The following PRKCQ variants were observed in gnomAD, a reference collection of about 807,000 sequenced individuals.
PRKCQ encodes the protein protein kinase C theta.
PRKCQ carries 41 observed loss-of-function variants against 91.2 expected under a neutral mutation model. The ratio of observed to expected loss-of-function variants is 0.45; its 90% CI spans 0.35 to 0.58. The LOEUF (loss-of-function observed/expected upper bound fraction) is 0.58. Ranked by LOEUF, PRKCQ falls within the 20% of genes least tolerant of loss-of-function variation. PRKCQ has a pLI of 0.00. For missense variants in PRKCQ, 673 were observed against 896.5 expected, an observed-to-expected ratio of 0.75 and a Z score of 3.18; for synonymous variants, 307 against 316.9, an observed-to-expected ratio of 0.97 and a Z score of 0.33.
At chr10:6,558,526 C>G (rs552907611) in intron 1 of PRKCQ, among the ~76,000 whole-genome samples, 1 of 152,128 alleles carries the variant, frequency 6.6e-6, no homozygotes, top group Non-Finnish European at 1.5e-5. Flanking sequence ...ATAAAAGATA[C>G]AGGATAAATA....
At chr10:6,543,623 G>GA (rs1422395842) in intron 1 of PRKCQ, among the ~76,000 whole-genome samples, 1 of 152,184 alleles carries the variant, frequency 6.6e-6, no homozygotes, top group Non-Finnish European at 1.5e-5. Flanking sequence ...TCCAGATGCT[G>GA]AAACACTGTC....
intron 4 of PRKCQ, among the ~76,000 whole-genome samples, chr10:6,506,159 G>C (rs1289987553): frequency 6.6e-6 from 1 of 152,084 alleles, no homozygotes; most frequent in Non-Finnish European, 1.5e-5. Flanking sequence ...CCTTCCAAGA[G>C]GAAAAATAAA....
the PRKCQ span, among the ~76,000 whole-genome samples, chr10:6,401,269 A>C: frequency 1.3e-5 from 2 of 152,206 alleles, no homozygotes; most frequent in African/African-American, 4.8e-5. Context: ...CTATGTAAGC[A>C]CAGCCTTAGC....
chr10:6,500,969 T>C (rs61242407), intron 4 of PRKCQ, among the ~76,000 whole-genome samples: 2,630 of 152,130 alleles, frequency 0.017, 82 homozygotes, highest in African/African-American at 0.06. Flanking sequence ...CCATATTTTT[T>C]AGGAGGTAGG....
intron 15 of PRKCQ, among the ~76,000 whole-genome samples, chr10:6,443,840 T>C (rs1429275894): frequency 3.3e-5 from 5 of 152,168 alleles, no homozygotes. Flanking sequence ...TTACATAAGG[T>C]ACCTTAAGTA....
chr10:6,396,845 A>T, the PRKCQ span, among the ~76,000 whole-genome samples: 1 of 152,172 alleles, frequency 6.6e-6, no homozygotes, highest in Admixed American at 6.5e-5. Flanking sequence ...ATGTGTTGAA[A>T]ATTTAACTGC....
At chr10:6,495,474 C>A (rs1365294106) in intron 7 of PRKCQ, among the ~76,000 whole-genome samples, 1 of 152,360 alleles carries the variant, frequency 6.6e-6, no homozygotes, top group East Asian at 1.9e-4. Flanking sequence ...CTTCAGCTGT[C>A]AGTTTCAATG....
intron 8 of PRKCQ, among the ~76,000 whole-genome samples, chr10:6,489,984 A>G (rs746334796): frequency 2.0e-5 from 3 of 152,046 alleles, no homozygotes; most frequent in Non-Finnish European, 4.4e-5. Flanking sequence ...AGGAGAACCA[A>G]GAGGCGAGAA....
the PRKCQ span, among the ~76,000 whole-genome samples, chr10:6,413,729 G>A: frequency 0.09 from 6,487 of 71,762 alleles, 1,200 homozygotes; most frequent in South Asian, 0.21. Context: ...ACTTGTGCGC[G>A]CGCACACACA....
At chr10:6,547,575 C>T (rs1311114101) in intron 1 of PRKCQ, among the ~76,000 whole-genome samples, 1 of 150,106 alleles carries the variant, frequency 6.7e-6, no homozygotes, top group Non-Finnish European at 1.5e-5. Flanking sequence ...AGAAATAAGG[C>T]CACATATCTA....
At chr10:6,396,350 CAG>C in the PRKCQ span, among the ~76,000 whole-genome samples, 4 of 152,194 alleles carry the variant, frequency 2.6e-5, no homozygotes, top group African/African-American at 9.6e-5. Context: ...CATATATTTA[CAG>C]AGTTGTGTAA....
At chr10:6,402,403 CA>C in the PRKCQ span, among the ~76,000 whole-genome samples, 8 of 139,656 alleles carry the variant, frequency 5.7e-5, no homozygotes, top group Non-Finnish European at 1.1e-4. Flanking sequence ...AGCTGAGCTT[CA>C]TCTATTCCTT....
At chr10:6,474,411 T>G (rs1836161872) in intron 12 of PRKCQ, among the ~76,000 whole-genome samples, 1 of 152,236 alleles carries the variant, frequency 6.6e-6, no homozygotes, top group Non-Finnish European at 1.5e-5. Context: ...GATCGGCCTT[T>G]CAGAATTCAA....
the PRKCQ span, among the ~76,000 whole-genome samples, chr10:6,416,109 G>T: frequency 6.6e-6 from 1 of 152,076 alleles, no homozygotes; most frequent in Non-Finnish European, 1.5e-5. Flanking sequence ...TAAGCCTGTA[G>T]GAATCAAATA....
Position 6,485,164 on chromosome 10 carries a change from G to C in PRKCQ, c.1006C>G (p.Pro336Ala). 6.2e-7 allele frequency: 1 copy of C among 1,613,680 alleles called. No individual in the cohort carries two copies. Among genetic ancestry groups the C allele is most frequent in the Non-Finnish European group, 8.5e-7 (1 of 1,179,704 alleles). Residue 336 changes from proline (P) to alanine (A), a missense_variant, in exon 10 of 18, where the codon CCG becomes GCG. By Grantham distance (27) the Pro-to-Ala change is conservative. Coordinates refer to ENST00000263125, the MANE Select transcript of PRKCQ (RefSeq NM_006257.5). Reference sequence around the variant, plus strand: ...TCAGGACAGCTACCTCTTTTTCCCGGTGTCGGTAAACATGGCGGCCTTGCT... The same window carrying C: ...TCAGGACAGCTACCTCTTTTTCCCGCTGTCGGTAAACATGGCGGCCTTGCT... ...NEARPPCLPT[P>A]GKREPQGISW... is the part of the protein sequence containing the mutation.
Position 6,454,340 on chromosome 10 carries a change from C to T in PRKCQ, c.1647+2334G>A, listed in dbSNP as rs112382343. On this transcript the variant is annotated intron_variant, in intron 15 of 17. Transcript: ENST00000263125. Reference sequence around the variant, plus strand: ...GTCACCAAGAGCCAGGCAAGAGATGCTCATGTTCTGCACTAGGGTAACAGC... The same window carrying T: ...GTCACCAAGAGCCAGGCAAGAGATGTTCATGTTCTGCACTAGGGTAACAGC... 8.8e-3 allele frequency among the ~76,000 whole-genome samples: 1,332 copies of T among 152,158 alleles called. 21 individuals carry two copies. Among genetic ancestry groups the T allele is most frequent in the African/African-American group, 0.03 (1,239 of 41,510 alleles).
At chr10:6,482,280 C>A (rs1296978430) in intron 11 of PRKCQ, among the ~76,000 whole-genome samples, 5 of 152,068 alleles carry the variant, frequency 3.3e-5, no homozygotes. Flanking sequence ...GGTCCTAATC[C>A]AATATGACTG....
chr10:6,477,137 A>G (rs1272612629), intron 12 of PRKCQ, among the ~76,000 whole-genome samples: 1 of 152,176 alleles, frequency 6.6e-6, no homozygotes, highest in African/African-American at 2.4e-5. Flanking sequence ...TTCATGCCCA[A>G]GGCCCTTTCT....
At chr10:6,505,748 C>T (rs1248457027) in intron 4 of PRKCQ, among the ~76,000 whole-genome samples, 2 of 151,988 alleles carry the variant, frequency 1.3e-5, no homozygotes, top group Non-Finnish European at 1.5e-5. Context: ...TGGGCTTAAG[C>T]GATCCTCCCA....
Sources: gnomAD v4.1 joint callset for allele counts (sites outside exome capture counted in the v4.1 genomes callset) on GRCh38, gnomAD v4.1.1 for gene constraint, MANE v1.5 for transcripts, NCBI Gene and HGNC (gene_info 2026-07-23, HGNC 2026-07-21) for gene names.